Variants in CDH6 observed in about 807,000 individuals in gnomAD.
The protein encoded by CDH6 is cadherin 6.
A neutral mutation model predicts 78.0 loss-of-function variants in CDH6; 31 were observed. The ratio of observed to expected loss-of-function variants is 0.40; its 90% CI spans 0.30 to 0.54. The LOEUF is 0.54. Among genes scored for constraint, CDH6 ranks in the 20% least tolerant of loss-of-function variants. The probability of loss-of-function intolerance (pLI) is 0.56; values close to 1 mark genes in which losing one functional copy is unlikely to be tolerated. For missense variants in CDH6, 724 were observed against 975.9 expected (o/e 0.74, Z 3.44); for synonymous variants, 376 against 368.8 (o/e 1.02, Z -0.23).
At chr5:31,284,393 T>C (rs930838880) in intron 2 of CDH6, among the ~76,000 whole-genome samples, 31 of 152,242 alleles carry the variant, frequency 2.0e-4, no homozygotes, top group Non-Finnish European at 3.4e-4. Flanking sequence ...TTATTTCTAC[T>C]GCCCTGAGAC....
At chr5:31,271,499 G>T (rs1243757237) in intron 2 of CDH6, among the ~76,000 whole-genome samples, 1 of 152,162 alleles carries the variant, frequency 6.6e-6, no homozygotes, top group Non-Finnish European at 1.5e-5. Flanking sequence ...AGGAATAGTG[G>T]AGAAAGCCCA....
intron 7 of CDH6, among the ~76,000 whole-genome samples, chr5:31,307,520 C>G (rs1177348753): frequency 6.6e-6 from 1 of 152,152 alleles, no homozygotes; most frequent in Non-Finnish European, 1.5e-5. Flanking sequence ...CTCCATGGAC[C>G]AAGTGTTTCT....
chr5:31,218,914 A>G (rs970243475), intron 1 of CDH6, among the ~76,000 whole-genome samples: 2 of 152,152 alleles, frequency 1.3e-5, no homozygotes, highest in Non-Finnish European at 2.9e-5. Context: ...CTTCAGTCAC[A>G]TTTAACTTCT....
chr5:31,312,624 G>A lies in CDH6; in HGVS notation c.1254-694G>A, dbSNP rs140449012. On this transcript the variant is annotated intron_variant, in intron 7 of 11. Transcript: ENST00000265071. ...GAGGATCGCTCAAGCCTGGGAGGTC[G>A]AAGTTGCAGTAAACCAAGATCATGC... 4.4e-3 allele frequency among the ~76,000 whole-genome samples: 668 copies of A among 152,242 alleles called. 4 individuals carry two copies. Among genetic ancestry groups the A allele is most frequent in the Admixed American group, 8.2e-3 (125 of 15,300 alleles).
chr5:31,254,996 A>G (rs1251227860), intron 1 of CDH6, among the ~76,000 whole-genome samples: 1 of 152,258 alleles, frequency 6.6e-6, no homozygotes, highest in Non-Finnish European at 1.5e-5. Flanking sequence ...TTCTCTTTCT[A>G]CACAAATGCT....
At chr5:31,213,649 TG>T (rs1011004576) in intron 1 of CDH6, among the ~76,000 whole-genome samples, 3 of 152,192 alleles carry the variant, frequency 2.0e-5, no homozygotes, top group Admixed American at 6.5e-5. Context: ...CTTTTCCTGT[TG>T]GACTGTCAGT....
At chr5:31,313,195 G>GA (rs1353866166) in intron 7 of CDH6, 123 bp from the exon 8 acceptor site, 1 of 817,646 alleles carries the variant, frequency 1.2e-6, no homozygotes, top group East Asian at 2.6e-5. Context: ...ACTAGAGATG[G>GA]AAAAAAATTT....
At chr5:31,208,954 T>C (rs1017473181) in intron 1 of CDH6, among the ~76,000 whole-genome samples, 1 of 152,182 alleles carries the variant, frequency 6.6e-6, no homozygotes, top group Non-Finnish European at 1.5e-5. Flanking sequence ...TTCATGAATA[T>C]TGCTTGGCAG....
At chr5:31,319,847 G>T (rs1006045190) in intron 11 of CDH6, among the ~76,000 whole-genome samples, 2 of 152,190 alleles carry the variant, frequency 1.3e-5, no homozygotes, top group Non-Finnish European at 2.9e-5. Flanking sequence ...TGGTGCCTTA[G>T]AACTTGCAAA....
At chr5:31,305,829 T>C (rs566019912) in intron 7 of CDH6, among the ~76,000 whole-genome samples, 10 of 152,378 alleles carry the variant, frequency 6.6e-5, no homozygotes, top group African/African-American at 2.4e-4. Flanking sequence ...TTTTTATTTG[T>C]AGTTTTTTTA....
chr5:31,230,752 TC>T (rs1195729882), intron 1 of CDH6, among the ~76,000 whole-genome samples: 6 of 152,090 alleles, frequency 3.9e-5, no homozygotes, highest in African/African-American at 1.4e-4. Context: ...TTAATCAAAC[TC>T]AAAATAATTC....
chr5:31,305,722 A>G (rs1402719383), intron 7 of CDH6, among the ~76,000 whole-genome samples: 2 of 152,330 alleles, frequency 1.3e-5, no homozygotes, highest in East Asian at 3.9e-4. Flanking sequence ...ATTTGCAAAT[A>G]ACCAAAGCTC....
intron 1 of CDH6, among the ~76,000 whole-genome samples, chr5:31,257,851 G>T (rs1185549213): frequency 2.0e-5 from 3 of 152,174 alleles, no homozygotes; most frequent in Non-Finnish European, 4.4e-5. Flanking sequence ...CAACCTAGAT[G>T]CTGTTTCCAT....
At chr5:31,211,800 T>C (rs1484291836) in intron 1 of CDH6, among the ~76,000 whole-genome samples, 1 of 152,206 alleles carries the variant, frequency 6.6e-6, no homozygotes, top group Non-Finnish European at 1.5e-5. Context: ...CTTGCCACGG[T>C]GTGAGTTCAC....
At position 31,221,890 on chromosome 5, in the gene CDH6, AT is replaced by A. The variant is rs921441915; in HGVS notation, c.-129+28014del. Among the ~76,000 whole-genome samples the A allele has an allele frequency of 2.5e-4, 38 of 150,328 alleles. 1 individual carries two copies. The highest frequency in any genetic ancestry group is 7.6e-4 in the African/African-American group (31 of 40,962). On this transcript the variant is annotated intron_variant, in intron 1 of 11. Coordinates refer to ENST00000265071, the MANE Select transcript of CDH6 (RefSeq NM_004932.4). The stretch of plus-strand genomic sequence containing the variant: ...GACAGGTAGTTCCTCAAGTTATTTA[AT>A]TTTTTTTTTCACTTGCAAAAGTGGG...
intron 1 of CDH6, among the ~76,000 whole-genome samples, chr5:31,229,818 G>C (rs779742358): frequency 2.0e-5 from 3 of 152,204 alleles, no homozygotes; most frequent in Non-Finnish European, 4.4e-5. Context: ...TTATTAAGGA[G>C]CAGCATAATT....
chr5:31,227,224 G>A (rs1455155188), intron 1 of CDH6, among the ~76,000 whole-genome samples: 1 of 152,074 alleles, frequency 6.6e-6, no homozygotes, highest in Admixed American at 6.5e-5. Flanking sequence ...GGAACGTACG[G>A]CGGGAAAGCA....
chr5:31,322,337 TAA>T (rs34633657), intron 11 of CDH6, among the ~76,000 whole-genome samples: 29 of 143,548 alleles, frequency 2.0e-4, no homozygotes, highest in Admixed American at 2.1e-4. Flanking sequence ...TTTTCTCAGG[TAA>T]AAAAAAAAAA....
chr5:31,299,340 C>A (rs1737693349), intron 4 of CDH6, 124 bp from the exon 5 acceptor site: 8 of 679,750 alleles, frequency 1.2e-5, no homozygotes, highest in Middle Eastern at 3.5e-4. Flanking sequence ...ATTTTTATGT[C>A]ACCATGACAT....
Sources: allele counts gnomAD v4.1 joint callset (sites outside exome capture counted in the v4.1 genomes callset), GRCh38; gene constraint gnomAD v4.1.1; transcripts MANE v1.5; gene names NCBI Gene and HGNC (gene_info 2026-07-23, HGNC 2026-07-21).